Variants in DNAH6 observed in about 807,000 individuals in gnomAD.
The protein encoded by DNAH6 is axonemal beta dynein heavy chain 6.
In DNAH6, 340 loss-of-function variants were observed where a neutral mutation model predicts 491.4. The observed-to-expected ratio is 0.69, with a 90% CI of 0.63 to 0.76. DNAH6 has a LOEUF of 0.76. DNAH6 is among the 30% of genes least tolerant of loss of function. The pLI is 0.00. For synonymous variants in DNAH6, 1,603 were observed against 1,686.1 expected, an observed-to-expected ratio of 0.95 and a Z score of 1.21; for missense variants, 4,443 against 4,972.2, an observed-to-expected ratio of 0.89 and a Z score of 3.20.
In DNAH6 at chr2:84,624,918, G is replaced by T; in HGVS notation, c.4370G>T (p.Cys1457Phe). 1 of 1,549,736 alleles carries T rather than the reference G, an allele frequency of 6.5e-7. No homozygotes were observed. Among genetic ancestry groups the T allele is most frequent in the South Asian group, 1.2e-5 (1 of 83,670 alleles). Residue 1457 changes from cysteine to phenylalanine, a missense_variant, in exon 29 of 77, where the codon TGC (cysteine) becomes TTC (phenylalanine). Around this residue, in one of 3 missense-constraint regions of DNAH6, gnomAD observed 2,977 missense variants for 3,296.6 expected, o/e 0.90. Coordinates refer to ENST00000389394, the MANE Select transcript of DNAH6 (RefSeq NM_001370.2). Reference sequence around the variant, plus strand: ...TTTCTTCAGGATCGCTGCTATCTTTGCCTCATGGGAGCTTTGCAGCTTGAC... The same window carrying T: ...TTTCTTCAGGATCGCTGCTATCTTTTCCTCATGGGAGCTTTGCAGCTTGAC... The part of the protein sequence containing the change: ...ITPLTDRCYL[C>F]LMGALQLDLG...
chr2:84,537,283 G>T (rs1053645209), intron 4 of DNAH6, among the ~76,000 whole-genome samples: 2 of 152,052 alleles, frequency 1.3e-5, no homozygotes, highest in African/African-American at 2.4e-5. Context: ...CTTATGGGGA[G>T]TCATAGCTTT....
intron 46 of DNAH6, among the ~76,000 whole-genome samples, chr2:84,697,248 A>G (rs79745569): frequency 0.087 from 13,308 of 152,234 alleles, 723 homozygotes; most frequent in Non-Finnish European, 0.12. Context: ...TTCTGCTTCT[A>G]TATTTTTGAT....
At chr2:84,571,755 TAC>T (rs1681903263) in intron 11 of DNAH6, among the ~76,000 whole-genome samples, 1 of 132,204 alleles carries the variant, frequency 7.6e-6, no homozygotes. Flanking sequence ...CTACTAAAAT[TAC>T]AAAAAAAAAA....
intron 17 of DNAH6, 69 bp from the exon 18 acceptor site, chr2:84,595,570 AGTTTTTT>A: frequency 7.6e-7 from 1 of 1,320,498 alleles, no homozygotes; most frequent in South Asian, 1.6e-5. Context: ...AACTTTTAAA[AGTTTTTT>A]TAGTATTTCA....
At chr2:84,642,614 T>C (rs565206248) in intron 33 of DNAH6, among the ~76,000 whole-genome samples, 7 of 152,232 alleles carry the variant, frequency 4.6e-5, no homozygotes, top group African/African-American at 1.4e-4. Flanking sequence ...TTCTTTTTTT[T>C]CCTTTTTTGA....
At chr2:84,594,220 C>T (rs1684363850) in intron 17 of DNAH6, 135 bp downstream of exon 17, 1 of 347,188 alleles carries the variant, frequency 2.9e-6, no homozygotes, top group Admixed American at 6.5e-5. Context: ...GTATCATTTT[C>T]TGATAATTTT....
intron 4 of DNAH6, among the ~76,000 whole-genome samples, chr2:84,536,589 T>C (rs1353543651): frequency 6.6e-6 from 1 of 151,942 alleles, no homozygotes; most frequent in Non-Finnish European, 1.5e-5. Context: ...AAGTAACAAC[T>C]GTTAGAGTTA....
chr2:84,491,979 C>T, the DNAH6 span, among the ~76,000 whole-genome samples: 1 of 152,136 alleles, frequency 6.6e-6, no homozygotes, highest in Non-Finnish European at 1.5e-5. Flanking sequence ...CAGATTCCGC[C>T]GAGAAGATTC....
the DNAH6 span, among the ~76,000 whole-genome samples, chr2:84,465,280 G>T: frequency 6.6e-6 from 1 of 152,178 alleles, no homozygotes; most frequent in Admixed American, 6.5e-5. Flanking sequence ...CAGATCACGA[G>T]GTCAGGAGAT....
chr2:84,803,291 A>G (rs1679099073), intron 70 of DNAH6, among the ~76,000 whole-genome samples: 1 of 152,084 alleles, frequency 6.6e-6, no homozygotes, highest in Admixed American at 6.6e-5. Context: ...GACCCTGGGG[A>G]CTCCAAAAGG....
chr2:84,613,772 T>C (rs1321079297), intron 22 of DNAH6, among the ~76,000 whole-genome samples: 1 of 152,064 alleles, frequency 6.6e-6, no homozygotes, highest in Non-Finnish European at 1.5e-5. Flanking sequence ...CAGCTAAATA[T>C]GTTTCATATC....
chr2:84,672,257 C>A, intron 39 of DNAH6, 70 bp from the exon 40 acceptor site: 1 of 1,458,868 alleles, frequency 6.9e-7, no homozygotes, highest in Non-Finnish European at 9.3e-7. Flanking sequence ...CAAAGTCATA[C>A]CCTAGCTTTG....
At chr2:84,752,664 A>G (rs762269731) in intron 63 of DNAH6, among the ~76,000 whole-genome samples, 52 of 151,868 alleles carry the variant, frequency 3.4e-4, no homozygotes, top group Non-Finnish European at 6.8e-4. Flanking sequence ...AGATTTGCCT[A>G]TTCTGTTTTT....
intron 67 of DNAH6, 24 bp from the exon 68 acceptor site, chr2:84,787,140 G>T: frequency 6.8e-7 from 1 of 1,462,054 alleles, no homozygotes. Context: ...TTTTATTTCA[G>T]ATCATTTTCA....
At chr2:84,527,870 C>T (rs1338362523) in intron 3 of DNAH6, among the ~76,000 whole-genome samples, 1 of 152,142 alleles carries the variant, frequency 6.6e-6, no homozygotes, top group East Asian at 1.9e-4. Flanking sequence ...CAGCCTCTGC[C>T]AGCTATGTTA....
chr2:84,605,392 A>C, intron 19 of DNAH6, 108 bp from the exon 20 acceptor site: 2 of 654,354 alleles, frequency 3.1e-6, no homozygotes, highest in Non-Finnish European at 5.1e-6. Flanking sequence ...AGCAATAAGG[A>C]GGAAAATGGG....
At chr2:84,697,531 A>T in intron 46 of DNAH6, 44 bp from the exon 47 acceptor site, 2 of 1,483,670 alleles carry the variant, frequency 1.3e-6, no homozygotes, top group Admixed American at 2.5e-5. Flanking sequence ...TAATAAATGG[A>T]AAATGATTGA....
intron 63 of DNAH6, among the ~76,000 whole-genome samples, chr2:84,761,172 A>G (rs147400905): frequency 6.6e-6 from 1 of 152,296 alleles, no homozygotes; most frequent in East Asian, 1.9e-4. Context: ...TCTTGCAGCA[A>G]CGTAGATGGC....
intron 70 of DNAH6, among the ~76,000 whole-genome samples, chr2:84,801,678 G>A (rs1678931368): frequency 1.3e-5 from 2 of 152,048 alleles, no homozygotes; most frequent in African/African-American, 4.8e-5. Context: ...CAGCTCAGGA[G>A]TTCCAGACCA....
Sources: gnomAD v4.1 joint callset for allele counts (sites outside exome capture counted in the v4.1 genomes callset) on GRCh38, gnomAD v4.1.1 for gene constraint, gnomAD v4.1.1 regional missense constraint, MANE v1.5 for transcripts, NCBI Gene and HGNC (gene_info 2026-07-23, HGNC 2026-07-21) for gene names.